NIN: variants seen among roughly 807,000 people sequenced by gnomAD.
The protein encoded by NIN is ninein.
In NIN, 137 loss-of-function variants were observed where a neutral mutation model predicts 257.6. The observed-to-expected ratio is 0.53, with a 90% CI of 0.46 to 0.61. NIN has a LOEUF of 0.61. NIN is among the 20% of genes least tolerant of loss of function. The pLI is 0.00. For synonymous variants in NIN, 918 were observed against 919.8 expected (o/e 1.00, Z 0.04); for missense variants, 2,439 against 2,501.2 (o/e 0.98, Z 0.53).
intron 7 of NIN, among the ~76,000 whole-genome samples, 199 bp from the exon 8 acceptor site, chr14:50,773,294 C>A (rs746762928): frequency 1.1e-4 from 16 of 152,154 alleles, no homozygotes; most frequent in Non-Finnish European, 1.8e-4. Flanking sequence ...AAATAAAAGT[C>A]AATTTCCAAC....
intron 25 of NIN, among the ~76,000 whole-genome samples, chr14:50,740,274 C>T (rs947608424): frequency 1.3e-5 from 2 of 151,972 alleles, no homozygotes; most frequent in Non-Finnish European, 2.9e-5. Context: ...GCAACCTCCA[C>T]CTCCCGGGCT....
chr14:50,810,692 G>C (rs571725987), intron 3 of NIN, among the ~76,000 whole-genome samples: 4 of 151,728 alleles, frequency 2.6e-5, no homozygotes, highest in Admixed American at 2.6e-4. Context: ...GATGGAGTCT[G>C]GCTCTGTTGC....
In NIN at chr14:50,758,299, C is replaced by T. The variant is rs773917916; in HGVS notation, c.2731G>A (p.Glu911Lys). ...AGGTCTTGGAGTAGCTGCTGTCTCTCGACGACCATGCTGTTCAAATGTTCT... is the reference window on the plus strand; with the variant it reads ...AGGTCTTGGAGTAGCTGCTGTCTCTTGACGACCATGCTGTTCAAATGTTCT... ...YKEHLNSMVVERQQLLQDLED... is the reference protein window; with the variant it reads ...YKEHLNSMVVKRQQLLQDLED... The change falls in exon 18 of 31, where the codon GAG becomes AAG. Residue 911 changes from glutamate to lysine, a missense_variant. Around this residue, in one of 3 missense-constraint regions of NIN, gnomAD observed 2,043 missense variants for 2,050.2 expected, o/e 1.00. Transcript: ENST00000530997. 1.2e-5 allele frequency: 19 copies of T among 1,614,212 alleles called. No individual in the cohort carries two copies. The highest frequency in any genetic ancestry group is 1.7e-4 in the Middle Eastern group (1 of 6,060).
intron 26 of NIN, 47 bp downstream of exon 26, chr14:50,739,261 C>T (rs779394753): frequency 6.4e-7 from 1 of 1,570,328 alleles, no homozygotes; most frequent in Non-Finnish European, 8.7e-7. Flanking sequence ...TCCTATCAAA[C>T]TAGTCATTTT....
intron 2 of NIN, among the ~76,000 whole-genome samples, chr14:50,829,108 C>A (rs148061917): frequency 1.2e-3 from 185 of 152,280 alleles, no homozygotes; most frequent in African/African-American, 3.9e-3. Context: ...TAAAGAATCA[C>A]CAGAGAACAG....
intron 4 of NIN, among the ~76,000 whole-genome samples, chr14:50,805,684 C>T (rs1467736495): frequency 6.6e-6 from 1 of 152,200 alleles, no homozygotes; most frequent in Non-Finnish European, 1.5e-5. Flanking sequence ...GATTTATGCT[C>T]AGTTTCAAAA....
At position 50,723,288 on chromosome 14, in the gene NIN, GTATT is replaced by G; in HGVS notation, c.*171_*174del. 4 of 500,148 alleles carry G rather than the reference GTATT, an allele frequency of 8.0e-6. No individual in the cohort carries two copies. The highest frequency in any genetic ancestry group is 1.4e-5 in the Non-Finnish European group (4 of 285,896). The allele number at this position is 500,148 out of a possible 1,614,324, so 31.0% of individuals were successfully genotyped here. The stretch of plus-strand genomic sequence containing the variant: ...ATAATTTAAGTAGTGAAATATGTGA[GTATT>G]TATTTTCAAACTCCCATAAGGGTCT... On this transcript the variant is annotated 3_prime_UTR_variant, in exon 31 of 31. Transcript: ENST00000530997.
chr14:50,829,864 G>A (rs886680694), intron 2 of NIN, among the ~76,000 whole-genome samples: 7 of 152,182 alleles, frequency 4.6e-5, no homozygotes, highest in African/African-American at 1.7e-4. Flanking sequence ...CTTCTGTCAG[G>A]GGCCGCTTCG....
intron 3 of NIN, among the ~76,000 whole-genome samples, chr14:50,814,731 A>T (rs2044800129): frequency 6.6e-6 from 1 of 152,224 alleles, no homozygotes; most frequent in South Asian, 2.1e-4. Context: ...CTCAGAAATA[A>T]GACTGCATAC....
At position 50,806,742 on chromosome 14, in the gene NIN, T is replaced by C. The variant is rs1319348740; in HGVS notation, c.260A>G (p.Glu87Gly). ...RTLSNEEHFQ[E>G]PDCSLEAQPK... ...AGAGAAGTGAGTGACCTTACCTGGT[T>C]CTTGAAAGTGTTCTTCATTTGACAG... Residue 87 changes from glutamate to glycine, a missense_variant, in exon 4 of 31, where the codon GAA becomes GGA. Glu to Gly is a moderately conservative substitution (Grantham distance 98). Transcript: ENST00000530997. 6.4e-7 allele frequency: 1 copy of C among 1,570,964 alleles called. No homozygotes were observed. The highest frequency in any genetic ancestry group is 8.7e-7 in the Non-Finnish European group (1 of 1,143,256).
At chr14:50,754,700 C>A (rs959268620) in intron 19 of NIN, 42 bp downstream of exon 19, 1 of 1,579,512 alleles carries the variant, frequency 6.3e-7, no homozygotes, top group Non-Finnish European at 8.6e-7. Flanking sequence ...GAATTTTAGT[C>A]TTTGCAAAAA....
In NIN at chr14:50,724,946, C is replaced by T. The variant is rs578177495; in HGVS notation, c.6192+1007G>A. ...GGATCCCACTTATTTCTGAACCTAC[C>T]ATTTGGCCAAACGCTTGGCACCTTG... is the stretch of plus-strand genomic sequence containing the variant. On this transcript the variant is annotated intron_variant, in intron 30 of 30. Coordinates refer to ENST00000530997, the MANE Select transcript of NIN (RefSeq NM_020921.4). Among the ~76,000 whole-genome samples, 8 of 152,252 alleles carry T rather than the reference C, an allele frequency of 5.3e-5. 1 individual carries two copies. In the South Asian group the frequency reaches 1.2e-3, roughly 24 times the overall value.
At chr14:50,790,002 G>A (rs2043516752) in intron 5 of NIN, among the ~76,000 whole-genome samples, 1 of 152,310 alleles carries the variant, frequency 6.6e-6, no homozygotes, top group East Asian at 1.9e-4. Context: ...GTGCAAAGCT[G>A]GGCTTTGCCT....
chr14:50,823,518 G>C (rs890244650), intron 2 of NIN: 1 of 247,716 alleles, frequency 4.0e-6, no homozygotes, highest in Admixed American at 5.4e-5. Flanking sequence ...AATCAATGTT[G>C]CTCTAGGTTG....
chr14:50,761,236 G>A (rs2042263367), intron 16 of NIN, among the ~76,000 whole-genome samples: 1 of 152,222 alleles, frequency 6.6e-6, no homozygotes, highest in African/African-American at 2.4e-5. Context: ...GCAAGAGGCA[G>A]CATTAAATAT....
At chr14:50,801,632 T>C (rs2044108059) in intron 4 of NIN, among the ~76,000 whole-genome samples, 1 of 152,170 alleles carries the variant, frequency 6.6e-6, no homozygotes, top group South Asian at 2.1e-4. Context: ...CTGAAATCAA[T>C]AGCTAGCCTA....
intron 25 of NIN, among the ~76,000 whole-genome samples, chr14:50,740,435 C>G (rs11626470): frequency 0.7 from 105,894 of 151,512 alleles, 37,445 homozygotes; most frequent in Middle Eastern, 0.79. Context: ...TGCAACCTAG[C>G]CCTCCCGGGT....
At chr14:50,773,274 C>T (rs1157728584) in intron 7 of NIN, among the ~76,000 whole-genome samples, 179 bp from the exon 8 acceptor site, 2 of 152,192 alleles carry the variant, frequency 1.3e-5, no homozygotes, top group Non-Finnish European at 2.9e-5. Flanking sequence ...CCTCCTCCTT[C>T]CCACAAACTA....
intron 2 of NIN, 56 bp from the exon 3 acceptor site, chr14:50,822,133 G>T: frequency 1.5e-6 from 2 of 1,292,628 alleles, no homozygotes; most frequent in Non-Finnish European, 2.2e-6. Context: ...GTCCTACCGT[G>T]GTCACCACCT....
Sources: gnomAD v4.1 joint callset for allele counts (sites outside exome capture counted in the v4.1 genomes callset) on GRCh38, gnomAD v4.1.1 for gene constraint, gnomAD v4.1.1 regional missense constraint, MANE v1.5 for transcripts, NCBI Gene and HGNC (gene_info 2026-07-23, HGNC 2026-07-21) for gene names.